SOX5: variants seen among roughly 807,000 people sequenced by gnomAD.
SOX5 encodes transcription factor SOX-5.
A neutral mutation model predicts 92.0 loss-of-function variants in SOX5; 9 were observed. That is an observed-to-expected ratio of 0.10 (90% confidence interval 0.06 to 0.17). The LOEUF is 0.17. SOX5 is among the 10% of genes least tolerant of loss of function. The pLI, the probability that SOX5 is intolerant of heterozygous loss-of-function variation, is 1.00. For missense variants in SOX5, 642 were observed against 944.5 expected (o/e 0.68, Z 4.20); for synonymous variants, 344 against 336.3 (o/e 1.02, Z -0.25).
At chr12:24,189,168 T>G (rs1247963699) in intron 4 of SOX5, among the ~76,000 whole-genome samples, 1 of 152,170 alleles carries the variant, frequency 6.6e-6, no homozygotes, top group Non-Finnish European at 1.5e-5. Context: ...CTGTTAGAAC[T>G]TGAATGTCTA....
At chr12:24,408,462 G>T (rs1963446450) in intron 1 of SOX5, among the ~76,000 whole-genome samples, 1 of 152,134 alleles carries the variant, frequency 6.6e-6, no homozygotes, top group African/African-American at 2.4e-5. Flanking sequence ...TACTGACATT[G>T]ACAGAGTCAA....
chr12:24,171,396 T>G (rs1298679185), intron 4 of SOX5, among the ~76,000 whole-genome samples: 1 of 151,676 alleles, frequency 6.6e-6, no homozygotes, highest in Non-Finnish European at 1.5e-5. Flanking sequence ...GCTAATTTTT[T>G]GTATTTTTAG....
At chr12:23,869,041 T>C (rs902324982) in intron 2 of SOX5, among the ~76,000 whole-genome samples, 5 of 152,140 alleles carry the variant, frequency 3.3e-5, no homozygotes, top group African/African-American at 4.8e-5. Context: ...TGCGTAACTT[T>C]ATGCTCTGCA....
At chr12:24,454,165 C>G (rs189458965) in intron 1 of SOX5, among the ~76,000 whole-genome samples, 2 of 152,226 alleles carry the variant, frequency 1.3e-5, no homozygotes, top group African/African-American at 4.8e-5. Context: ...CGTGAATAAA[C>G]CTGAACTATT....
chr12:24,237,587 C>CTTT (rs138580187), intron 3 of SOX5, among the ~76,000 whole-genome samples: 4 of 142,998 alleles, frequency 2.8e-5, no homozygotes, highest in Non-Finnish European at 4.6e-5. Context: ...AGTCGTAAGA[C>CTTT]TTTTTTTTTT....
At chr12:23,845,928 C>T in intron 3 of SOX5, 55 bp downstream of exon 3, 2 of 1,360,086 alleles carry the variant, frequency 1.5e-6, no homozygotes, top group East Asian at 2.3e-5. Flanking sequence ...AAATTAAAAT[C>T]AAAGTATTAA....
chr12:23,567,621 T>C (rs1484250111), intron 10 of SOX5, among the ~76,000 whole-genome samples: 1 of 151,870 alleles, frequency 6.6e-6, no homozygotes, highest in Non-Finnish European at 1.5e-5. Context: ...TACCCCCAGT[T>C]ACTTTTTAAG....
chr12:23,679,845 G>A (rs2086293472), intron 6 of SOX5, among the ~76,000 whole-genome samples: 1 of 151,818 alleles, frequency 6.6e-6, no homozygotes. Context: ...GCAAAATAAG[G>A]AAAACAGCAG....
chr12:23,668,024 G>A (rs577098050), intron 6 of SOX5, among the ~76,000 whole-genome samples: 7 of 152,216 alleles, frequency 4.6e-5, no homozygotes, highest in African/African-American at 1.7e-4. Flanking sequence ...GCACAAAGCA[G>A]GTAACAATTT....
intron 13 of SOX5, among the ~76,000 whole-genome samples, chr12:23,541,955 C>G (rs1343240231): frequency 6.6e-6 from 1 of 152,106 alleles, no homozygotes; most frequent in Non-Finnish European, 1.5e-5. Context: ...TGCGAAAATA[C>G]AAAAGTTAGT....
intron 4 of SOX5, among the ~76,000 whole-genome samples, chr12:24,128,813 T>C (rs1466742058): frequency 2.6e-5 from 4 of 152,140 alleles, no homozygotes; most frequent in African/African-American, 9.7e-5. Flanking sequence ...ATTGATATCG[T>C]CCTTGGGCTG....
chr12:24,499,769 TTTA>T (rs1948014268), intron 1 of SOX5, among the ~76,000 whole-genome samples: 1 of 151,420 alleles, frequency 6.6e-6, no homozygotes, highest in Non-Finnish European at 1.5e-5. Flanking sequence ...TTTTTTTTTT[TTTA>T]AATAGAAAAC....
chr12:24,364,531 T>C (rs1284161141), intron 2 of SOX5, among the ~76,000 whole-genome samples: 1 of 145,074 alleles, frequency 6.9e-6, no homozygotes, highest in Non-Finnish European at 1.5e-5. Flanking sequence ...TATATATATA[T>C]ATATATATAT....
chr12:24,410,160 G>A (rs1308194047), intron 1 of SOX5, among the ~76,000 whole-genome samples: 1 of 152,004 alleles, frequency 6.6e-6, no homozygotes, highest in Non-Finnish European at 1.5e-5. Flanking sequence ...ACCATGTCTG[G>A]CTAATTTTTG....
Position 24,016,695 on chromosome 12 carries a change from G to A in SOX5, c.-1-120671C>T, listed in dbSNP as rs570974760. ...CACAACCCCAAAGAGTTTGGCGTCCGCCTTTTGGAAATGTGGCCACAATAT... is the reference window on the plus strand; with the variant it reads ...CACAACCCCAAAGAGTTTGGCGTCCACCTTTTGGAAATGTGGCCACAATAT... On this transcript the variant is annotated intron_variant, in intron 4 of 4. Coordinates refer to the SOX5 transcript ENST00000446891. Among the ~76,000 whole-genome samples the A allele has an allele frequency of 1.3e-4, 20 of 152,278 alleles. No individual in the cohort carries two copies. In the South Asian group the frequency reaches 3.1e-3, roughly 24 times the overall value.
intron 1 of SOX5, among the ~76,000 whole-genome samples, chr12:24,413,309 T>G (rs923668009): frequency 6.6e-6 from 1 of 152,224 alleles, no homozygotes; most frequent in Non-Finnish European, 1.5e-5. Flanking sequence ...AATATCCCTC[T>G]CTGTCACTAG....
intron 2 of SOX5, among the ~76,000 whole-genome samples, chr12:23,862,515 C>T (rs1043996803): frequency 6.6e-6 from 1 of 152,162 alleles, no homozygotes; most frequent in Non-Finnish European, 1.5e-5. Context: ...CTTTAAAAAA[C>T]AGTGTATCTT....
In SOX5 at chr12:23,533,283, T is replaced by G. The variant is rs993697391; in HGVS notation, c.*936A>C. On this transcript the variant is annotated 3_prime_UTR_variant, in exon 15 of 15. Transcript: ENST00000451604. ...CACAAAAATCCAAGATCAGAAAATA[T>G]TTTTCTCTAAATTTCTTATGTCTCT... is the stretch of plus-strand genomic sequence containing the variant. The G allele has an allele frequency of 7.3e-6, 3 of 408,308 alleles. No homozygotes were observed. The highest frequency in any genetic ancestry group is 1.0e-5 in the Non-Finnish European group (2 of 195,548). 25.3% of individuals were successfully genotyped at this position (408,308 alleles called of 1,614,324 possible).
Position 23,895,797 on chromosome 12 carries a change from G to A in SOX5, c.266C>T (p.Thr89Ile). 6.2e-7 allele frequency: 1 copy of A among 1,601,792 alleles called. No individual in the cohort carries two copies. Among genetic ancestry groups the A allele is most frequent in the Non-Finnish European group, 8.6e-7 (1 of 1,168,768 alleles). ...AATAAACCATGAGAAACCTACCATT[G>A]TATTGTGCTGAGAAGTGGGAGTCCT... ...GHRTPTSQHN[T>I]MEVDGNKVMS... Residue 89 changes from threonine (T) to isoleucine (I), a missense_variant, in exon 2 of 15, where the codon ACA becomes ATA. Physicochemically the swap from Thr to Ile is moderately conservative, Grantham distance 89. Coordinates refer to ENST00000451604, the MANE Select transcript of SOX5 (RefSeq NM_006940.6).
Sources: allele counts gnomAD v4.1 joint callset (sites outside exome capture counted in the v4.1 genomes callset), GRCh38; gene constraint gnomAD v4.1.1; transcripts MANE v1.5; gene names NCBI Gene and HGNC (gene_info 2026-07-23, HGNC 2026-07-21).